The following GCSAML variants were observed in gnomAD, a reference collection of about 807,000 sequenced individuals.
GCSAML encodes the protein germinal center associated signaling and motility like.
Under a neutral mutation model 13.0 loss-of-function variants are expected in GCSAML, and 9 were observed. The ratio of observed to expected loss-of-function variants is 0.69; its 90% confidence interval spans 0.42 to 1.21. The LOEUF (loss-of-function observed/expected upper bound fraction) is 1.21, where lower values mean the gene tolerates loss of function less well. Among genes scored for constraint, GCSAML ranks in the 50% most tolerant of loss-of-function variants. GCSAML has a pLI of 0.00. For missense variants in GCSAML, 143 were observed against 153.4 expected (o/e 0.93, Z 0.36); for synonymous variants, 37 against 52.9 (o/e 0.70, Z 1.31).
chr1:247,518,158 C>G (rs193245255), intron 1 of GCSAML, among the ~76,000 whole-genome samples: 5 of 152,348 alleles, frequency 3.3e-5, no homozygotes, highest in Admixed American at 3.3e-4. Context: ...TCTGAGGCCT[C>G]TGGCTCCTGG....
chr1:247,561,772 A>C (rs1668135807), intron 2 of GCSAML, among the ~76,000 whole-genome samples: 1 of 152,162 alleles, frequency 6.6e-6, no homozygotes. Flanking sequence ...ACTCTGAATG[A>C]AAGTAGATCA....
chr1:247,511,704 G>T (rs1666044143), intron 1 of GCSAML, among the ~76,000 whole-genome samples: 1 of 152,128 alleles, frequency 6.6e-6, no homozygotes, highest in African/African-American at 2.4e-5. Context: ...CAGCCCTGGT[G>T]GTGACAAAAC....
In GCSAML at chr1:247,516,932, T is replaced by G. The variant is rs151041718; in HGVS notation, c.-263+9699T>G. On this transcript the variant is annotated intron_variant, in intron 1 of 5. Transcript: ENST00000366489. Reference sequence around the variant, plus strand: ...CTTGATGGGTGTCTATTTAATAATGTGAATATTTAGTTTGCTTTCACGAAG... The same window carrying G: ...CTTGATGGGTGTCTATTTAATAATGGGAATATTTAGTTTGCTTTCACGAAG... Among the ~76,000 whole-genome samples the G allele has an allele frequency of 6.8e-3, 1,041 of 152,326 alleles. 13 individuals carry two copies. The highest frequency in any genetic ancestry group is 0.024 in the African/African-American group (987 of 41,566).
chr1:247,529,109 T>C (rs1666802203), intron 2 of GCSAML: 1 of 152,214 alleles, frequency 6.6e-6, no homozygotes, highest in Admixed American at 6.5e-5. Context: ...CTGGCTGGAC[T>C]AGTAGCATAG....
intron 1 of GCSAML, among the ~76,000 whole-genome samples, chr1:247,508,711 T>C (rs1558229999): frequency 6.6e-6 from 1 of 152,144 alleles, no homozygotes; most frequent in Admixed American, 6.6e-5. Context: ...AAGGTGTCCA[T>C]TTCAGTTTTC....
intron 2 of GCSAML, among the ~76,000 whole-genome samples, chr1:247,537,569 T>C (rs551131086): frequency 6.6e-6 from 1 of 152,382 alleles, no homozygotes; most frequent in Non-Finnish European, 1.5e-5. Context: ...CAGCAAACTT[T>C]TCTGCTGCAG....
intron 3 of GCSAML, 74 bp from the exon 4 acceptor site, chr1:247,565,857 C>A (rs1318144695): frequency 8.2e-7 from 1 of 1,224,870 alleles, no homozygotes; most frequent in African/African-American, 1.6e-5. Context: ...TCACCTTTTC[C>A]TTCAATCTGT....
chr1:247,571,099 C>T (rs1668592769), intron 4 of GCSAML, among the ~76,000 whole-genome samples: 1 of 152,196 alleles, frequency 6.6e-6, no homozygotes, highest in Admixed American at 6.5e-5. Context: ...TGTGTCTCTG[C>T]ATGTGAGATG....
intron 2 of GCSAML, among the ~76,000 whole-genome samples, chr1:247,561,113 C>T (rs1668112479): frequency 6.6e-6 from 1 of 152,076 alleles, no homozygotes; most frequent in Non-Finnish European, 1.5e-5. Flanking sequence ...ACCATCATGC[C>T]TGGCTAATAT....
intron 2 of GCSAML, among the ~76,000 whole-genome samples, chr1:247,560,006 A>T (rs1448263640): frequency 6.6e-6 from 1 of 152,220 alleles, no homozygotes; most frequent in Non-Finnish European, 1.5e-5. Context: ...AATTTAGTTC[A>T]TGAGAGATGT....
intron 1 of GCSAML, among the ~76,000 whole-genome samples, chr1:247,553,267 A>G (rs1667842421): frequency 6.6e-6 from 1 of 152,224 alleles, no homozygotes; most frequent in Non-Finnish European, 1.5e-5. Context: ...GAATTTTGCA[A>G]GATGACTTTG....
At position 247,567,232 on chromosome 1, in the gene GCSAML, C is replaced by T. The variant is rs114860277; in HGVS notation, c.168+1273C>T. Among the ~76,000 whole-genome samples, 1,399 of 151,944 alleles carry T rather than the reference C, an allele frequency of 9.2e-3. 24 individuals carry two copies. Among genetic ancestry groups the T allele is most frequent in the African/African-American group, 0.032 (1,337 of 41,436 alleles). On this transcript the variant is annotated intron_variant, in intron 4 of 4. Coordinates refer to ENST00000366488, the MANE Select transcript of GCSAML (RefSeq NM_145278.5). ...TGGGCAGGTCTGTTACATAGGAATA[C>T]ATGTGCCACGGTGCTTTGCTGAACC...
Position 247,508,023 on chromosome 1 carries a change from T to A in GCSAML, c.-263+790T>A, listed in dbSNP as rs187762654. Among the ~76,000 whole-genome samples the A allele has an allele frequency of 3.1e-3, 477 of 152,330 alleles. 3 individuals carry two copies. Among genetic ancestry groups the A allele is most frequent in the African/African-American group, 0.011 (449 of 41,568 alleles). On this transcript the variant is annotated intron_variant, in intron 1 of 5. Transcript: ENST00000366489. The stretch of plus-strand genomic sequence containing the variant: ...AGCATGATTTATAATCCTTTGGGTA[T>A]ATATCCAGTAATGGGATTGCTGGGT...
chr1:247,532,402 A>C lies in GCSAML; in HGVS notation c.-148+5348A>C, dbSNP rs762144655. 3.7e-6 allele frequency: 6 copies of C among 1,614,022 alleles called. No homozygotes were observed. The Admixed American group carries it at 8.3e-5, about 22-fold the overall frequency. ...GATGCCATTGCCCAAGATCGATACC[A>C]TGTAAAAACTCAAGACAACTATGAA... On this transcript the variant is annotated intron_variant, in intron 2 of 5. Coordinates refer to the GCSAML transcript ENST00000366489.
chr1:247,540,817 G>A (rs184611764), intron 2 of GCSAML, among the ~76,000 whole-genome samples: 4 of 152,246 alleles, frequency 2.6e-5, no homozygotes, highest in South Asian at 2.1e-4. Flanking sequence ...TTCAATTCAC[G>A]TAGAATACAA....
chr1:247,574,515 T>C lies in GCSAML; in HGVS notation c.*133T>C. On this transcript the variant is annotated 3_prime_UTR_variant, in exon 5 of 5. Coordinates refer to ENST00000366488, the MANE Select transcript of GCSAML (RefSeq NM_145278.5). ...AAAGTTTAGAAATATTATCTTATTA[T>C]ATATCCTTAGGCAACTCTGATATGT... 9.9e-7 allele frequency: 1 copy of C among 1,010,900 alleles called. No individual in the cohort carries two copies. The allele number at this position is 1,010,900 out of a possible 1,614,324, so 62.6% of individuals were successfully genotyped here.
chr1:247,517,219 C>A (rs1288855391), intron 1 of GCSAML, among the ~76,000 whole-genome samples: 1 of 152,206 alleles, frequency 6.6e-6, no homozygotes, highest in Non-Finnish European at 1.5e-5. Flanking sequence ...TTTAACAATT[C>A]AGAGTAAAAT....
intron 1 of GCSAML, among the ~76,000 whole-genome samples, chr1:247,554,672 G>C (rs994177598): frequency 6.6e-6 from 1 of 151,996 alleles, no homozygotes; most frequent in Admixed American, 6.6e-5. Flanking sequence ...TTTAACATAA[G>C]GATTATTTAG....
chr1:247,556,448 C>T lies in GCSAML; in HGVS notation c.71C>T (p.Pro24Leu), dbSNP rs761465110. 4.9e-5 allele frequency: 79 copies of T among 1,610,936 alleles called. No individual in the cohort carries two copies. The Admixed American group carries it at 5.9e-4, about 12-fold the overall frequency. Residue 24 changes from proline (P) to leucine (L), a missense_variant, in exon 2 of 5, where the codon CCA becomes CTA. Coordinates refer to ENST00000366488, the MANE Select transcript of GCSAML (RefSeq NM_145278.5). ...ENQKKPKKGN[P>L]DEERKRQEMT... The stretch of plus-strand genomic sequence containing the variant: ...CAAAAGAAGCCCAAGAAAGGAAACC[C>T]AGATGAGGAAAGAAAACGGTAAGAA...
Sources: gnomAD v4.1 joint callset for allele counts (sites outside exome capture counted in the v4.1 genomes callset) on GRCh38, gnomAD v4.1.1 for gene constraint, MANE v1.5 for transcripts, NCBI Gene and HGNC (gene_info 2026-07-23, HGNC 2026-07-21) for gene names.